UBOX5: variants seen among roughly 807,000 people sequenced by gnomAD.
UBOX5 encodes the protein U-box domain containing 5, also known as RING finger protein 37.
In UBOX5, 28 loss-of-function variants were observed where a neutral mutation model predicts 39.0. That is an observed-to-expected ratio of 0.72 (90% CI 0.53 to 0.98). The LOEUF is 0.98. Ranked by LOEUF, UBOX5 falls within the 50% of genes least tolerant of loss-of-function variation. The pLI is 0.00. For synonymous variants in UBOX5, 283 were observed against 275.5 expected (o/e 1.03, Z -0.27); for missense variants, 585 against 674.4 (o/e 0.87, Z 1.47).
rs937941319 is a variant in UBOX5 at position 3,147,118 on chromosome 20, C to T, written c.-42+12648G>A. 17 of 1,613,724 alleles carry T rather than the reference C, an allele frequency of 1.1e-5. No individual in the cohort carries two copies. In the African/African-American group the frequency reaches 2.3e-4, roughly 22 times the overall value. The stretch of plus-strand genomic sequence containing the variant: ...TATTCTCCAACTCCATGGGCTGCTG[C>T]CCAGGCTCTGACTCAGTTTTGCCCT... On this transcript the variant is annotated intron_variant, in intron 1 of 4. Transcript: ENST00000217173.
At chr20:3,147,081 G>A (rs751567143) in intron 1 of UBOX5, 47 of 1,613,984 alleles carry the variant, frequency 2.9e-5, no homozygotes, top group Non-Finnish European at 3.8e-5. Context: ...CCCCCCAGAG[G>A]TACAGCTGCC....
Position 3,122,351 on chromosome 20 carries a change from C to T in UBOX5, c.288G>A (p.Thr96=), listed in dbSNP as rs756542535. Reference sequence around the variant, plus strand: ...CTGGGCCCAGGGTCCGGCACTGGGGCGTATTCCAAGACACTCTGCTAGATG... The same window carrying T: ...CTGGGCCCAGGGTCCGGCACTGGGGTGTATTCCAAGACACTCTGCTAGATG... ...SASSSRVSWN[T]PQCRTLGPAE... Residue 96 remains threonine (T), a synonymous_variant, in exon 3 of 5, where the codon ACG becomes ACA. Coordinates refer to ENST00000217173, the MANE Select transcript of UBOX5 (RefSeq NM_014948.4). 9.3e-6 allele frequency: 15 copies of T among 1,614,132 alleles called. No individual in the cohort carries two copies. The highest frequency in any genetic ancestry group is 4.4e-5 in the South Asian group (4 of 91,084).
chr20:3,152,100 CAA>C (rs60655157), intron 1 of UBOX5, among the ~76,000 whole-genome samples: 13,697 of 62,590 alleles, frequency 0.22, 768 homozygotes, highest in African/African-American at 0.33. Flanking sequence ...GACTCTGTCT[CAA>C]AAAAAAAAAA....
At chr20:3,111,472 T>G (rs1425688323) in intron 4 of UBOX5, among the ~76,000 whole-genome samples, 1 of 152,126 alleles carries the variant, frequency 6.6e-6, no homozygotes, top group Non-Finnish European at 1.5e-5. Flanking sequence ...TTCTACCTCT[T>G]AGGAGCTTCC....
chr20:3,149,670 T>A lies in UBOX5; in HGVS notation c.-42+10096A>T, dbSNP rs2066604599. On this transcript the variant is annotated intron_variant, in intron 1 of 4. Coordinates refer to ENST00000217173, the MANE Select transcript of UBOX5 (RefSeq NM_014948.4). This position sits in a 1 kb window ranked among gnomAD's most constrained non-coding sequence, Gnocchi z 4.1. The stretch of plus-strand genomic sequence containing the variant: ...AAACAGGTCCTACCTGAAGAATGTT[T>A]ATAAAAACTGCTATGCTAACAGCAC... Among the ~76,000 whole-genome samples, 1 of 152,194 alleles carries A rather than the reference T, an allele frequency of 6.6e-6. No individual in the cohort carries two copies. Among genetic ancestry groups the A allele is most frequent in the Non-Finnish European group, 1.5e-5 (1 of 68,032 alleles).
chr20:3,129,086 G>A (rs1365362830), intron 1 of UBOX5, among the ~76,000 whole-genome samples: 3 of 152,102 alleles, frequency 2.0e-5, no homozygotes, highest in South Asian at 2.1e-4. Context: ...TTCTCCACCC[G>A]CGTCAGGGGC....
At chr20:3,130,532 C>A (rs1004639060) in intron 1 of UBOX5, among the ~76,000 whole-genome samples, 1 of 151,818 alleles carries the variant, frequency 6.6e-6, no homozygotes, top group African/African-American at 2.4e-5. Flanking sequence ...TTTACTACTA[C>A]CTTAAGATCA....
In UBOX5 at chr20:3,125,535, C is replaced by T. The variant is rs1427631269; in HGVS notation, c.-41-2129G>A. ...GGAGTGCCTCTGCCCGGCCACCCAT[C>T]GTCTGGGAGGTGAGGAGCACCTCTG... On this transcript the variant is annotated intron_variant, in intron 1 of 4. Transcript: ENST00000217173. 9.7e-5 allele frequency among the ~76,000 whole-genome samples: 13 copies of T among 133,358 alleles called. No individual in the cohort carries two copies. The East Asian group carries it at 1.9e-3, about 20-fold the overall frequency. 87.5% of individuals were successfully genotyped at this position (133,358 alleles called of 152,430 possible). A position where few individuals can be genotyped will look rare whatever the true frequency, so the allele number is the denominator to read the frequency against.
chr20:3,152,100 CAAAAAAAAAAAAA>C (rs60655157), intron 1 of UBOX5, among the ~76,000 whole-genome samples: 1 of 62,884 alleles, frequency 1.6e-5, no homozygotes, highest in African/African-American at 5.2e-5. Flanking sequence ...GACTCTGTCT[CAAAAAAAAAAAAA>C]AAAAAAAAAG....
In UBOX5 at chr20:3,151,420, T is replaced by C. The variant is rs182961559; in HGVS notation, c.-42+8346A>G. On this transcript the variant is annotated intron_variant, in intron 1 of 4. Transcript: ENST00000217173. ...GGCAGATTGTATGGCCTGCAAAGCA[T>C]ATTTAGTGTTTGGTCTATTACATAA... Among the ~76,000 whole-genome samples, 143 of 152,324 alleles carry C rather than the reference T, an allele frequency of 9.4e-4. 1 individual carries two copies. The highest frequency in any genetic ancestry group is 3.2e-3 in the African/African-American group (135 of 41,568).
At chr20:3,126,530 G>A (rs1469987261) in intron 1 of UBOX5, among the ~76,000 whole-genome samples, 44 of 126,012 alleles carry the variant, frequency 3.5e-4, no homozygotes, top group South Asian at 5.2e-4. Flanking sequence ...AAAAAGAAAA[G>A]AAAAAGAAAA....
rs2066338998 is a variant in UBOX5, at chr20:3,121,818, C to T, written c.821G>A (p.Cys274Tyr). ...CTTGCCTGAGGGCAGCAGCATGGGA[C>T]AAGGCATGATCTCCAGGGTGATGGG... ...LDPITLEIMP[C>Y]PMLLPSGKVI... is the part of the protein sequence containing the mutation. Residue 274 changes from cysteine (C) to tyrosine (Y), a missense_variant, in exon 3 of 5, where the codon TGT (cysteine) becomes TAT (tyrosine). Coordinates refer to ENST00000217173, the MANE Select transcript of UBOX5 (RefSeq NM_014948.4). 4.3e-6 allele frequency: 7 copies of T among 1,614,172 alleles called. No homozygotes were observed. The highest frequency in any genetic ancestry group is 5.9e-6 in the Non-Finnish European group (7 of 1,180,040).
intron 3 of UBOX5, among the ~76,000 whole-genome samples, chr20:3,117,042 G>A (rs1310685272): frequency 2.0e-5 from 3 of 151,796 alleles, no homozygotes; most frequent in Non-Finnish European, 4.4e-5. Flanking sequence ...GTTGCAGTGA[G>A]CCATAATCAC....
chr20:3,140,916 A>AT (rs11365728), intron 1 of UBOX5, among the ~76,000 whole-genome samples: 6,812 of 111,994 alleles, frequency 0.061, 380 homozygotes, highest in African/African-American at 0.13. Context: ...GGGTTGCCAG[A>AT]TTTTTTTTTT....
At chr20:3,125,920 C>T (rs554720080) in intron 1 of UBOX5, among the ~76,000 whole-genome samples, 2 of 151,714 alleles carry the variant, frequency 1.3e-5, no homozygotes, top group East Asian at 1.9e-4. Context: ...CCAGCCGCCC[C>T]GTCTGGGAAG....
chr20:3,154,928 C>T (rs1461765455), intron 1 of UBOX5, among the ~76,000 whole-genome samples: 1 of 151,634 alleles, frequency 6.6e-6, no homozygotes, highest in African/African-American at 2.4e-5. Flanking sequence ...TGGCTCACAA[C>T]TGTAATCCCA....
chr20:3,121,642 G>C lies in UBOX5; in HGVS notation c.997C>G (p.Leu333Val), dbSNP rs755642434. The C allele has an allele frequency of 8.7e-6, 14 of 1,612,616 alleles. No homozygotes were observed. The highest frequency in any genetic ancestry group is 1.2e-5 in the Non-Finnish European group (14 of 1,179,360). The change falls in exon 3 of 5, where the codon CTC (leucine) becomes GTC (valine). Residue 333 changes from leucine (L) to valine (V), a missense_variant. By Grantham distance (32) the Leu-to-Val change is conservative. Coordinates refer to ENST00000217173, the MANE Select transcript of UBOX5 (RefSeq NM_014948.4). ...SLKARIDHFL[L>V]QHSIPGCHLL... is the part of the protein sequence containing the mutation. ...TGGCAGCCAGGGATGGAGTGCTGGA[G>C]CAGGAAATGGTCAATCCGGGCCTTG...
intron 1 of UBOX5, chr20:3,147,679 T>G: frequency 6.2e-7 from 1 of 1,614,258 alleles, no homozygotes; most frequent in Non-Finnish European, 8.5e-7. Context: ...ACTGGTTGAA[T>G]TCAGGCATCT....
chr20:3,115,913 G>A (rs1402678837), intron 3 of UBOX5, among the ~76,000 whole-genome samples: 1 of 152,044 alleles, frequency 6.6e-6, no homozygotes, highest in African/African-American at 2.4e-5. Context: ...ACAGGTGTGC[G>A]CCACCACGCC....
Sources: allele counts gnomAD v4.1 joint callset (sites outside exome capture counted in the v4.1 genomes callset), GRCh38; gene constraint gnomAD v4.1.1; non-coding constraint Gnocchi (gnomAD v3.1); transcripts MANE v1.5; gene names NCBI Gene and HGNC (gene_info 2026-07-23, HGNC 2026-07-21).